TRHDE: variants seen among roughly 807,000 people sequenced by gnomAD.
The protein encoded by TRHDE is thyrotropin releasing hormone degrading enzyme.
TRHDE carries 72 observed loss-of-function variants against 125.7 expected under a neutral mutation model. The observed-to-expected ratio is 0.57, with a 90% CI of 0.47 to 0.70. The LOEUF (loss-of-function observed/expected upper bound fraction) is 0.70. TRHDE is among the 30% of genes least tolerant of loss of function. The pLI is 0.00. For synonymous variants in TRHDE, 509 were observed against 509.1 expected (o/e 1.00, Z 0.00); for missense variants, 1,110 against 1,327.1 (o/e 0.84, Z 2.54).
intron 15 of TRHDE, among the ~76,000 whole-genome samples, chr12:72,622,682 G>A (rs775638300): frequency 7.9e-5 from 12 of 152,080 alleles, no homozygotes; most frequent in Non-Finnish European, 1.8e-4. Context: ...ACCGCAGTCA[G>A]TATAACCTAC....
intron 1 of TRHDE, among the ~76,000 whole-genome samples, chr12:72,088,941 A>G (rs1470764883): frequency 6.6e-6 from 1 of 152,110 alleles, no homozygotes; most frequent in Non-Finnish European, 1.5e-5. Context: ...CTTCAGACCC[A>G]TATATCCACC....
intron 12 of TRHDE, among the ~76,000 whole-genome samples, chr12:72,609,031 G>A (rs1374694866): frequency 6.6e-6 from 1 of 152,100 alleles, no homozygotes; most frequent in African/African-American, 2.4e-5. Context: ...TGTATGCAAA[G>A]CATTAGCACA....
intron 15 of TRHDE, among the ~76,000 whole-genome samples, chr12:72,639,952 TTTTG>T (rs1218319707): frequency 2.8e-5 from 2 of 72,410 alleles, no homozygotes; most frequent in Admixed American, 1.8e-4. Context: ...ACTGCTGTCT[TTTTG>T]TTTGTCTGTG....
rs1161447044 is a variant in TRHDE, at chr12:72,664,717, A to G, written c.*1522A>G. 1.3e-5 allele frequency: 2 copies of G among 152,102 alleles called. No individual in the cohort carries two copies. Among genetic ancestry groups the G allele is most frequent in the Non-Finnish European group, 2.9e-5 (2 of 67,992 alleles). 9.4% of individuals were successfully genotyped at this position (152,102 alleles called of 1,614,324 possible). On this transcript the variant is annotated 3_prime_UTR_variant, in exon 19 of 19. Transcript: ENST00000261180. ...TTCCTGAGGTTTTTCACTCCACCAA[A>G]TCTTACAAATCATTGAAAGAAATAT...
At chr12:72,501,971 A>G (rs1440034916) in intron 6 of TRHDE, among the ~76,000 whole-genome samples, 1 of 152,044 alleles carries the variant, frequency 6.6e-6, no homozygotes, top group South Asian at 2.1e-4. Context: ...TTTACAGGAT[A>G]TATTCCCTTA....
chr12:72,230,654 C>T (rs1565668189), intron 2 of TRHDE, among the ~76,000 whole-genome samples: 1 of 152,034 alleles, frequency 6.6e-6, no homozygotes, highest in Non-Finnish European at 1.5e-5. Context: ...GCTCCCCACT[C>T]ACAACCCTAA....
intron 15 of TRHDE, among the ~76,000 whole-genome samples, chr12:72,649,064 AGAC>A (rs1343012050): frequency 6.6e-6 from 1 of 152,098 alleles, no homozygotes; most frequent in Non-Finnish European, 1.5e-5. Context: ...GAACCACAAA[AGAC>A]TACTTTAAAT....
intron 12 of TRHDE, among the ~76,000 whole-genome samples, chr12:72,589,302 A>G (rs1871572211): frequency 6.6e-6 from 1 of 152,086 alleles, no homozygotes; most frequent in African/African-American, 2.4e-5. Context: ...CTCTTTTCAT[A>G]TGCTCATTTG....
chr12:72,417,429 C>T (rs557075553), intron 3 of TRHDE, among the ~76,000 whole-genome samples: 23 of 151,844 alleles, frequency 1.5e-4, no homozygotes, highest in African/African-American at 5.5e-4. Context: ...TTTTAAATGC[C>T]CTGTACAGTC....
chr12:72,284,930 T>G (rs1369894535), intron 1 of TRHDE, among the ~76,000 whole-genome samples: 1 of 152,162 alleles, frequency 6.6e-6, no homozygotes, highest in Non-Finnish European at 1.5e-5. Context: ...CTTCTACTAA[T>G]GAAAAAACAG....
chr12:72,637,605 A>G (rs1285670917), intron 15 of TRHDE, among the ~76,000 whole-genome samples: 7 of 151,796 alleles, frequency 4.6e-5, no homozygotes, highest in African/African-American at 1.7e-4. Context: ...TAGGGTGTCA[A>G]TTTTGGATCT....
At chr12:72,102,349 A>G (rs1875087951) in intron 1 of TRHDE, among the ~76,000 whole-genome samples, 1 of 151,692 alleles carries the variant, frequency 6.6e-6, no homozygotes, top group African/African-American at 2.4e-5. Context: ...TCATACAAAG[A>G]CTCTCCACAC....
intron 6 of TRHDE, among the ~76,000 whole-genome samples, chr12:72,527,487 G>A (rs1003144244): frequency 4.0e-5 from 6 of 151,674 alleles, no homozygotes; most frequent in Non-Finnish European, 5.9e-5. Flanking sequence ...CTGTTTCAGG[G>A]ACCAGAAGAA....
At chr12:72,654,568 T>C (rs1874633215) in intron 17 of TRHDE, among the ~76,000 whole-genome samples, 1 of 152,160 alleles carries the variant, frequency 6.6e-6, no homozygotes, top group East Asian at 1.9e-4. Context: ...TAATTGGCCA[T>C]AGAGGTTTCC....
chr12:72,316,088 G>C (rs1342147698), intron 2 of TRHDE, among the ~76,000 whole-genome samples: 1 of 152,166 alleles, frequency 6.6e-6, no homozygotes, highest in African/African-American at 2.4e-5. Flanking sequence ...TGTGGCCAAA[G>C]GGGTAGCTTG....
chr12:72,342,702 A>G lies in TRHDE; in HGVS notation c.1189-35293A>G, dbSNP rs143787136. Reference sequence around the variant, plus strand: ...TTGTCTTAATATTAGAGGAAGATGAAGTTGTACATATAGGAATTAGAACAC... The same window carrying G: ...TTGTCTTAATATTAGAGGAAGATGAGGTTGTACATATAGGAATTAGAACAC... On this transcript the variant is annotated intron_variant, in intron 2 of 18. Transcript: ENST00000261180. 1.4e-3 allele frequency among the ~76,000 whole-genome samples: 219 copies of G among 152,228 alleles called. 1 individual carries two copies. The highest frequency in any genetic ancestry group is 2.7e-3 in the Non-Finnish European group (185 of 67,994).
At chr12:72,352,622 C>A (rs1870633039) in intron 2 of TRHDE, among the ~76,000 whole-genome samples, 1 of 151,702 alleles carries the variant, frequency 6.6e-6, no homozygotes, top group Non-Finnish European at 1.5e-5. Flanking sequence ...CCACTGTTAT[C>A]AATTTCTGTG....
At chr12:72,417,578 A>G (rs11179195) in intron 3 of TRHDE, among the ~76,000 whole-genome samples, 7,588 of 152,036 alleles carry the variant, frequency 0.05, 629 homozygotes, top group East Asian at 0.42. Context: ...GGAAAATTGT[A>G]CTGGAAGGTG....
At chr12:72,454,563 C>T (rs1875746532) in intron 3 of TRHDE, among the ~76,000 whole-genome samples, 1 of 152,040 alleles carries the variant, frequency 6.6e-6, no homozygotes, top group Admixed American at 6.6e-5. Context: ...TCTTATTGTA[C>T]CAGGCAAAAA....
Sources: allele counts gnomAD v4.1 joint callset (sites outside exome capture counted in the v4.1 genomes callset), GRCh38; gene constraint gnomAD v4.1.1; transcripts MANE v1.5; gene names NCBI Gene and HGNC (gene_info 2026-07-23, HGNC 2026-07-21).